The following PSORS1C1 variants were observed in gnomAD, a reference collection of about 807,000 sequenced individuals.
PSORS1C1 encodes the protein psoriasis susceptibility 1 candidate 1, also known as psoriasis susceptibility 1 candidate gene 1 protein.
Under a neutral mutation model 9.4 loss-of-function variants are expected in PSORS1C1, and 7 were observed. That is an observed-to-expected ratio of 0.75 (90% confidence interval 0.42 to 1.40). The LOEUF (loss-of-function observed/expected upper bound fraction) is 1.40, where lower values mean the gene tolerates loss of function less well. PSORS1C1 is among the 40% of genes most tolerant of loss of function. The pLI, the probability that PSORS1C1 is intolerant of heterozygous loss-of-function variation, is 0.01. For synonymous variants in PSORS1C1, 63 were observed against 69.4 expected (o/e 0.91, Z 0.46); for missense variants, 146 against 178.1 (o/e 0.82, Z 1.02).
In PSORS1C1 at chr6:31,139,069, G is replaced by C; in HGVS notation, c.167+290G>C. On this transcript the variant is annotated intron_variant, in intron 5 of 5. Transcript: ENST00000259881. The surrounding 1 kb of genome is among the most constrained non-coding windows in gnomAD (Gnocchi z 5.2). ...CAAAGCTGGGGTGGGCTGAGTCTGG[G>C]TGCCTGGGAACCCCAAGAGGCTTTA... is the stretch of plus-strand genomic sequence containing the variant. 2 of 1,588,024 alleles carry C rather than the reference G, an allele frequency of 1.3e-6. No homozygotes were observed. The highest frequency in any genetic ancestry group is 1.7e-6 in the Non-Finnish European group (2 of 1,156,806).
chr6:31,131,438 A>AG (rs1045751871), intron 3 of PSORS1C1, among the ~76,000 whole-genome samples: 5 of 151,640 alleles, frequency 3.3e-5, no homozygotes, highest in Non-Finnish European at 7.4e-5. Context: ...CTAAAAAAAA[A>AG]CTACAAAAAT....
intron 1 of PSORS1C1, chr6:31,117,144 G>A: frequency 1.2e-6 from 2 of 1,610,002 alleles, no homozygotes; most frequent in South Asian, 1.1e-5. Flanking sequence ...AGCTGCTGCT[G>A]CTGCTCGAAT....
intron 3 of PSORS1C1, among the ~76,000 whole-genome samples, chr6:31,137,256 A>G (rs923330100): frequency 6.6e-6 from 1 of 152,184 alleles, no homozygotes; most frequent in Non-Finnish European, 1.5e-5. Context: ...GGAGATCGAG[A>G]CCACTCTGGC....
chr6:31,127,787 C>G (rs1187897127), intron 2 of PSORS1C1, among the ~76,000 whole-genome samples: 1 of 151,902 alleles, frequency 6.6e-6, no homozygotes, highest in Non-Finnish European at 1.5e-5. Context: ...GCACTCCAGC[C>G]TGGGCGACAA....
At chr6:31,120,885 G>A in intron 1 of PSORS1C1, among the ~76,000 whole-genome samples, 1 of 147,834 alleles carries the variant, frequency 6.8e-6, no homozygotes, top group African/African-American at 2.5e-5. Flanking sequence ...GCCCGCTCCA[G>A]CCCCACCCAC....
At chr6:31,116,102 G>A in intron 1 of PSORS1C1, 4 of 1,611,798 alleles carry the variant, frequency 2.5e-6, no homozygotes, top group Non-Finnish European at 3.4e-6. Context: ...GGCTTCACTT[G>A]GGCTAGGATA....
chr6:31,127,776 T>C (rs945195958), intron 2 of PSORS1C1, among the ~76,000 whole-genome samples: 1 of 151,852 alleles, frequency 6.6e-6, no homozygotes, highest in African/African-American at 2.4e-5. Context: ...ATCGCACCAC[T>C]GCACTCCAGC....
rs747535254 is a variant in PSORS1C1, at chr6:31,116,745, G to T, written c.-229+1854G>T. On this transcript the variant is annotated intron_variant, in intron 1 of 5. Transcript: ENST00000259881. Reference sequence around the variant, plus strand: ...CCACCTCGTAGCCACCATAGGATTTGTCTACAGAGGTGATTGGGGGACAGG... The same window carrying T: ...CCACCTCGTAGCCACCATAGGATTTTTCTACAGAGGTGATTGGGGGACAGG... 31 of 1,612,932 alleles carry T rather than the reference G, an allele frequency of 1.9e-5. No individual in the cohort carries two copies. Among genetic ancestry groups the T allele is most frequent in the Non-Finnish European group, 2.3e-5 (27 of 1,180,032 alleles).
chr6:31,121,580 C>T (rs1400433550), intron 1 of PSORS1C1, among the ~76,000 whole-genome samples: 9 of 152,158 alleles, frequency 5.9e-5, no homozygotes, highest in Admixed American at 5.2e-4. Flanking sequence ...ACTAGTATTG[C>T]GGGAGTATCA....
rs891366141 is a variant in PSORS1C1, at chr6:31,139,779, A to G, written c.306A>G (p.Pro102=). The G allele has an allele frequency of 6.2e-7, 1 of 1,613,006 alleles. No homozygotes were observed. The highest frequency in any genetic ancestry group is 8.5e-7 in the Non-Finnish European group (1 of 1,179,994). ...SHPELFASVL[P]MAPEEAARLQ... is the part of the protein sequence containing the mutation. ...CAGAGCTGTTTGCATCAGTCCTGCC[A>G]ATGGCTCCGGAAGAAGCTGCCAGGC... is the stretch of plus-strand genomic sequence containing the variant. Residue 102 remains proline, a synonymous_variant, in exon 6 of 6, where the codon CCA becomes CCG. Coordinates refer to ENST00000259881, the MANE Select transcript of PSORS1C1 (RefSeq NM_014068.3). This position sits in a 1 kb window ranked among gnomAD's most constrained non-coding sequence, Gnocchi z 5.2.
chr6:31,135,149 G>A (rs1773087919), intron 3 of PSORS1C1, among the ~76,000 whole-genome samples: 1 of 152,172 alleles, frequency 6.6e-6, no homozygotes, highest in South Asian at 2.1e-4. Context: ...TTTAACATTT[G>A]TAATAATTTA....
rs1262061073 is a variant in PSORS1C1, at chr6:31,115,833, G to C, written c.-229+942G>C. The C allele has an allele frequency of 1.7e-6, 1 of 592,296 alleles. No homozygotes were observed. The highest frequency in any genetic ancestry group is 1.9e-5 in the African/African-American group (1 of 53,838). 36.7% of individuals were successfully genotyped at this position (592,296 alleles called of 1,614,324 possible). A position where few individuals can be genotyped will look rare whatever the true frequency, so the allele number is the denominator to read the frequency against. On this transcript the variant is annotated intron_variant, in intron 1 of 5. Transcript: ENST00000259881. The surrounding 1 kb of genome is among the most constrained non-coding windows in gnomAD (Gnocchi z 4.2). ...AGAGGAGCTTTGAATCTACCATTTT[G>C]AGAAGAGGAAGGAGGAAGGGGTGAT...
At chr6:31,121,810 T>A (rs1311719804) in intron 1 of PSORS1C1, among the ~76,000 whole-genome samples, 1 of 152,244 alleles carries the variant, frequency 6.6e-6, no homozygotes, top group Non-Finnish European at 1.5e-5. Flanking sequence ...TTCCTGTCTG[T>A]GCTGTCCGAT....
rs978238845 is a variant in PSORS1C1, at chr6:31,139,710, A to G, written c.237A>G (p.Arg79=). The change falls in exon 6 of 6, where the codon AGA becomes AGG. Residue 79 remains arginine (R), a synonymous_variant. Coordinates refer to ENST00000259881, the MANE Select transcript of PSORS1C1 (RefSeq NM_014068.3). This position sits in a 1 kb window ranked among gnomAD's most constrained non-coding sequence, Gnocchi z 5.2. ...FHLAATQDDC[R]KGRTQEDILV... is the part of the protein sequence containing the mutation. ...TGGCAGCCACCCAGGATGACTGCAG[A>G]AAAGGAAGGACACAGGAGGATATCC... 2.5e-6 allele frequency: 4 copies of G among 1,612,972 alleles called. No individual in the cohort carries two copies. The African/African-American group carries it at 5.3e-5, about 22-fold the overall frequency.
intron 1 of PSORS1C1, chr6:31,120,414 G>A: frequency 6.3e-7 from 1 of 1,583,452 alleles, no homozygotes; most frequent in Non-Finnish European, 8.6e-7. Context: ...CCCGAGACGA[G>A]CCCATCTCGG....
intron 1 of PSORS1C1, chr6:31,116,923 G>C: frequency 6.2e-7 from 1 of 1,614,170 alleles, no homozygotes; most frequent in Non-Finnish European, 8.5e-7. Context: ...CGAGACGATG[G>C]GCCCTCCACT....
Position 31,115,431 on chromosome 6 carries a change from C to T in PSORS1C1, c.-229+540C>T. 6.0e-6 allele frequency: 1 copy of T among 168,044 alleles called. No homozygotes were observed. The highest frequency in any genetic ancestry group is 1.7e-4 in the East Asian group (1 of 5,930). The allele number at this position is 168,044 out of a possible 1,614,324, so 10.4% of individuals were successfully genotyped here. Reference sequence around the variant, plus strand: ...GGGCTGAGATAAGGGCCTTGAGAGGCAATGGGTGTGTTGGGGACGGTGATC... The same window carrying T: ...GGGCTGAGATAAGGGCCTTGAGAGGTAATGGGTGTGTTGGGGACGGTGATC... On this transcript the variant is annotated intron_variant, in intron 1 of 5. Transcript: ENST00000259881. This position sits in a 1 kb window ranked among gnomAD's most constrained non-coding sequence, Gnocchi z 4.2.
intron 3 of PSORS1C1, among the ~76,000 whole-genome samples, chr6:31,132,568 G>T (rs997897873): frequency 4.6e-5 from 7 of 151,374 alleles, no homozygotes; most frequent in South Asian, 2.1e-4. Context: ...GTAATGAGGG[G>T]ACTGGGCATG....
At position 31,139,175 on chromosome 6, in the gene PSORS1C1, C is replaced by A; in HGVS notation, c.167+396C>A. ...GAACTGGTCAAACCCGTTGGGAAGG[C>A]CTGGGCTGATGTGTCACCCCTGAAG... On this transcript the variant is annotated intron_variant, in intron 5 of 5. Transcript: ENST00000259881. This position sits in a 1 kb window ranked among gnomAD's most constrained non-coding sequence, Gnocchi z 5.2. The A allele has an allele frequency of 1.5e-6, 1 of 652,496 alleles. No homozygotes were observed. The allele number at this position is 652,496 out of a possible 1,614,324, so 40.4% of individuals were successfully genotyped here. A position where few individuals can be genotyped will look rare whatever the true frequency, so the allele number is the denominator to read the frequency against.
Sources: gnomAD v4.1 joint callset for allele counts (sites outside exome capture counted in the v4.1 genomes callset) on GRCh38, gnomAD v4.1.1 for gene constraint, Gnocchi (gnomAD v3.1) non-coding constraint, MANE v1.5 for transcripts, NCBI Gene and HGNC (gene_info 2026-07-23, HGNC 2026-07-21) for gene names.